The following LSAMP variants were observed in gnomAD, a reference collection of about 807,000 sequenced individuals.
LSAMP encodes the protein limbic system-associated membrane protein.
LSAMP carries 7 observed loss-of-function variants against 38.6 expected under a neutral mutation model. The ratio of observed to expected loss-of-function variants is 0.18; its 90% confidence interval spans 0.10 to 0.34. LSAMP has a LOEUF of 0.34. Among genes scored for constraint, LSAMP ranks in the 10% least tolerant of loss-of-function variants. The probability of loss-of-function intolerance (pLI) is 1.00; values close to 1 mark genes in which losing one functional copy is unlikely to be tolerated. For missense variants in LSAMP, 313 were observed against 420.0 expected (o/e 0.75, Z 2.23); for synonymous variants, 154 against 166.8 (o/e 0.92, Z 0.59).
At chr3:116,270,974 G>A (rs562315951) in intron 1 of LSAMP, among the ~76,000 whole-genome samples, 6 of 151,900 alleles carry the variant, frequency 3.9e-5, no homozygotes, top group African/African-American at 1.2e-4. Flanking sequence ...TAAGGGATTG[G>A]AACAGATAGA....
intron 6 of LSAMP, among the ~76,000 whole-genome samples, chr3:115,832,281 C>T (rs1934636188): frequency 6.6e-6 from 1 of 151,982 alleles, no homozygotes; most frequent in Admixed American, 6.6e-5. Context: ...TTTGAAACAC[C>T]CACTTTCAAA....
chr3:115,924,341 C>T (rs1937451241), intron 3 of LSAMP, among the ~76,000 whole-genome samples: 1 of 152,128 alleles, frequency 6.6e-6, no homozygotes, highest in Admixed American at 6.5e-5. Context: ...TTTTCATCGT[C>T]TCTTCTGGTT....
intron 1 of LSAMP, among the ~76,000 whole-genome samples, chr3:116,199,367 T>C (rs768385642): frequency 6.6e-5 from 10 of 152,346 alleles, no homozygotes; most frequent in Admixed American, 2.6e-4. Flanking sequence ...TCTTTCTTCC[T>C]ACCTTCAATC....
At chr3:116,392,098 GC>G (rs1203914451) in intron 1 of LSAMP, among the ~76,000 whole-genome samples, 1 of 152,182 alleles carries the variant, frequency 6.6e-6, no homozygotes, top group African/African-American at 2.4e-5. Flanking sequence ...GCCTGCCCAG[GC>G]CCAGCAAGAA....
chr3:116,385,154 G>A (rs900867076), intron 1 of LSAMP, among the ~76,000 whole-genome samples: 4 of 151,836 alleles, frequency 2.6e-5, no homozygotes, highest in African/African-American at 9.7e-5. Context: ...GAAACGCTAT[G>A]TTTATATGAC....
intron 1 of LSAMP, among the ~76,000 whole-genome samples, chr3:116,259,223 A>G (rs2046794239): frequency 6.6e-6 from 1 of 152,156 alleles, no homozygotes; most frequent in African/African-American, 2.4e-5. Context: ...TGCCAAACTG[A>G]TCTTACCAAC....
At position 115,878,524 on chromosome 3, in the gene LSAMP, C is replaced by T. The variant is rs150943447; in HGVS notation, c.515-25907G>A. On this transcript the variant is annotated intron_variant, in intron 3 of 6. Coordinates refer to ENST00000490035, the MANE Select transcript of LSAMP (RefSeq NM_002338.5). ...TTACCCAGGCTGGAGTGCAGTGGTA[C>T]GATCTCAGCTCACGGCAACCTCCGC... Among the ~76,000 whole-genome samples the T allele has an allele frequency of 2.3e-3, 288 of 124,414 alleles. 2 individuals carry two copies. Among genetic ancestry groups the T allele is most frequent in the African/African-American group, 8.6e-3 (278 of 32,332 alleles). The allele number at this position is 124,414 out of a possible 152,430, so 81.6% of individuals were successfully genotyped here.
intron 1 of LSAMP, among the ~76,000 whole-genome samples, chr3:116,199,157 G>C (rs1004847995): frequency 6.6e-6 from 1 of 151,706 alleles, no homozygotes; most frequent in Non-Finnish European, 1.5e-5. Flanking sequence ...TGAGATGTTT[G>C]CTTGTGATTT....
intron 1 of LSAMP, among the ~76,000 whole-genome samples, chr3:116,428,128 A>T (rs528434579): frequency 6.6e-6 from 1 of 152,270 alleles, no homozygotes; most frequent in South Asian, 2.1e-4. Flanking sequence ...CAGCCTTCTT[A>T]TGTGAATTTC....
At chr3:115,980,900 C>T (rs1227407528) in intron 3 of LSAMP, among the ~76,000 whole-genome samples, 1 of 152,094 alleles carries the variant, frequency 6.6e-6, no homozygotes, top group African/African-American at 2.4e-5. Context: ...TGAAACCTCG[C>T]TATGTTTTTT....
intron 1 of LSAMP, among the ~76,000 whole-genome samples, chr3:116,247,311 GA>G (rs1319883594): frequency 6.6e-6 from 1 of 152,140 alleles, no homozygotes; most frequent in African/African-American, 2.4e-5. Context: ...TATCAGACCA[GA>G]GCCTTTCTAT....
intron 1 of LSAMP, among the ~76,000 whole-genome samples, chr3:116,095,677 C>T (rs528211141): frequency 1.3e-5 from 2 of 152,124 alleles, no homozygotes; most frequent in Non-Finnish European, 2.9e-5. Flanking sequence ...AGGAGAGAAC[C>T]GATTTCTATC....
chr3:116,350,588 CAACT>C (rs2048124440), intron 1 of LSAMP, among the ~76,000 whole-genome samples: 1 of 151,390 alleles, frequency 6.6e-6, no homozygotes, highest in South Asian at 2.1e-4. Context: ...GTTATCAGAT[CAACT>C]AACATGGTAT....
chr3:116,301,926 T>G (rs1158515668), intron 1 of LSAMP, among the ~76,000 whole-genome samples: 1 of 152,182 alleles, frequency 6.6e-6, no homozygotes, highest in Non-Finnish European at 1.5e-5. Flanking sequence ...TGTGTGGACG[T>G]GGTAAAAATT....
chr3:115,932,371 A>T (rs1199245580), intron 3 of LSAMP, among the ~76,000 whole-genome samples: 1 of 152,198 alleles, frequency 6.6e-6, no homozygotes, highest in Non-Finnish European at 1.5e-5. Context: ...TTTTGTAGAG[A>T]AATTGTAATT....
rs201416906 is a variant in LSAMP at position 116,193,014 on chromosome 3, A to T, written c.156-106458T>A. On this transcript the variant is annotated intron_variant, in intron 1 of 6. Coordinates refer to ENST00000490035, the MANE Select transcript of LSAMP (RefSeq NM_002338.5). ...CTGTAATAGAACAACTCCACGGTAG[A>T]TGAATAGTTTCCTGTACAATTACAA... 6.6e-5 allele frequency among the ~76,000 whole-genome samples: 10 copies of T among 152,326 alleles called. No individual in the cohort carries two copies. In the East Asian group the frequency reaches 1.9e-3, roughly 29 times the overall value.
At chr3:116,357,666 A>C (rs2048244257) in intron 1 of LSAMP, among the ~76,000 whole-genome samples, 2 of 152,188 alleles carry the variant, frequency 1.3e-5, no homozygotes, top group Admixed American at 1.3e-4. Context: ...GCAAATTGAA[A>C]AGTTTATTTT....
At chr3:115,815,641 A>G (rs1267170558) in intron 6 of LSAMP, among the ~76,000 whole-genome samples, 2 of 152,250 alleles carry the variant, frequency 1.3e-5, no homozygotes, top group Non-Finnish European at 2.9e-5. Context: ...GAAATAAAAA[A>G]CAATGCTATG....
At chr3:116,290,488 T>C (rs2047249659) in intron 1 of LSAMP, among the ~76,000 whole-genome samples, 1 of 151,870 alleles carries the variant, frequency 6.6e-6, no homozygotes, top group African/African-American at 2.4e-5. Flanking sequence ...TCCCAGCACT[T>C]TGGGAGGCCG....
Sources: allele counts gnomAD v4.1 joint callset (sites outside exome capture counted in the v4.1 genomes callset), GRCh38; gene constraint gnomAD v4.1.1; transcripts MANE v1.5; gene names NCBI Gene and HGNC (gene_info 2026-07-23, HGNC 2026-07-21).